Variants in STX2 observed in about 807,000 individuals in gnomAD.
The protein encoded by STX2 is syntaxin 2.
STX2 carries 27 observed loss-of-function variants against 40.6 expected under a neutral mutation model. That is an observed-to-expected ratio of 0.66 (90% CI 0.49 to 0.92). STX2 has a LOEUF of 0.92. Among genes scored for constraint, STX2 ranks in the 40% least tolerant of loss-of-function variants. STX2 has a pLI of 0.00. For missense variants in STX2, 328 were observed against 366.1 expected, an observed-to-expected ratio of 0.90 and a Z score of 0.85; for synonymous variants, 123 against 119.1, an observed-to-expected ratio of 1.03 and a Z score of -0.22.
intron 1 of STX2, 145 bp from the exon 2 acceptor site, chr12:130,827,412 T>G (rs1035436921): frequency 6.4e-6 from 4 of 623,766 alleles, no homozygotes; most frequent in Non-Finnish European, 1.1e-5. Context: ...CACCACTATC[T>G]ACTCCAACTG....
chr12:130,827,786 G>A (rs1008913414), intron 1 of STX2, among the ~76,000 whole-genome samples: 1 of 152,148 alleles, frequency 6.6e-6, no homozygotes, highest in South Asian at 2.1e-4. Flanking sequence ...CATGCCTGTG[G>A]TCCCAGCTAC....
intron 3 of STX2, among the ~76,000 whole-genome samples, chr12:130,819,699 T>C (rs539583281): frequency 6.6e-6 from 1 of 152,354 alleles, no homozygotes; most frequent in African/African-American, 2.4e-5. Flanking sequence ...TAACAGATGT[T>C]ACATAAAAGG....
At chr12:130,828,303 C>T (rs1260182727) in intron 1 of STX2, among the ~76,000 whole-genome samples, 1 of 151,550 alleles carries the variant, frequency 6.6e-6, no homozygotes, top group Non-Finnish European at 1.5e-5. Context: ...TCTCGGCTCA[C>T]TGCAACCTCC....
chr12:130,828,760 C>T lies in STX2; in HGVS notation c.31-1493G>A, dbSNP rs374967468. Reference sequence around the variant, plus strand: ...GTGGGCACCTGTAGTCCCAGCTACTCGGGAGGCTGAGGCAGGAAAATGGCA... The same window carrying T: ...GTGGGCACCTGTAGTCCCAGCTACTTGGGAGGCTGAGGCAGGAAAATGGCA... On this transcript the variant is annotated intron_variant, in intron 1 of 10. Coordinates refer to ENST00000392373, the MANE Select transcript of STX2 (RefSeq NM_194356.4). Among the ~76,000 whole-genome samples the T allele has an allele frequency of 1.3e-4, 19 of 149,698 alleles. No individual in the cohort carries two copies. The East Asian group carries it at 3.5e-3, about 27-fold the overall frequency.
At position 130,816,537 on chromosome 12, in the gene STX2, G is replaced by A. The variant is rs111806067; in HGVS notation, c.206-3506C>T. Among the ~76,000 whole-genome samples the A allele has an allele frequency of 3.8e-3, 572 of 152,284 alleles. 2 individuals are homozygous for A. Among genetic ancestry groups the A allele is most frequent in the African/African-American group, 0.013 (538 of 41,576 alleles). On this transcript the variant is annotated intron_variant, in intron 3 of 10. Transcript: ENST00000392373. ...TGGTATTTCAAATCAGAGACCAGAC[G>A]GGGATCAGGAACCTCCTCTTCCAGC...
intron 2 of STX2, among the ~76,000 whole-genome samples, chr12:130,825,300 G>A (rs1330525215): frequency 2.6e-5 from 4 of 152,210 alleles, no homozygotes; most frequent in African/African-American, 9.7e-5. Flanking sequence ...GACTCCCAAA[G>A]TGCTGGGAGC....
At chr12:130,835,979 C>T (rs1266760782) in intron 1 of STX2, among the ~76,000 whole-genome samples, 2 of 152,214 alleles carry the variant, frequency 1.3e-5, no homozygotes, top group Non-Finnish European at 2.9e-5. Flanking sequence ...AAAGAAACTT[C>T]ATGGAAGCAT....
chr12:130,812,915 T>C (rs1457809134), intron 4 of STX2, 42 bp downstream of exon 4: 2 of 1,324,512 alleles, frequency 1.5e-6, no homozygotes, highest in South Asian at 1.4e-5. Flanking sequence ...CAAATACCCA[T>C]ACTCCCAACA....
chr12:130,820,671 A>T lies in STX2; in HGVS notation c.205+1018T>A, dbSNP rs191367337. 2.7e-3 allele frequency among the ~76,000 whole-genome samples: 404 copies of T among 147,854 alleles called. 2 individuals are homozygous for T. Among genetic ancestry groups the T allele is most frequent in the Middle Eastern group, 7.0e-3 (2 of 286 alleles). On this transcript the variant is annotated intron_variant, in intron 3 of 10. Coordinates refer to ENST00000392373, the MANE Select transcript of STX2 (RefSeq NM_194356.4). Reference sequence around the variant, plus strand: ...ACAGAGTGAGACTCCGTCTCAAAATAAAAAAAAAAATAGATAAATAAAAAA... The same window carrying T: ...ACAGAGTGAGACTCCGTCTCAAAATTAAAAAAAAAATAGATAAATAAAAAA...
chr12:130,830,159 C>T (rs931840375), intron 1 of STX2, among the ~76,000 whole-genome samples: 2 of 152,184 alleles, frequency 1.3e-5, no homozygotes, highest in Non-Finnish European at 2.9e-5. Flanking sequence ...CTACTTCCTA[C>T]CCCCCACACC....
chr12:130,795,906 T>C, intron 10 of STX2, 89 bp downstream of exon 10: 9 of 1,443,906 alleles, frequency 6.2e-6, no homozygotes, highest in Non-Finnish European at 8.2e-6. Context: ...GGCAAGCTTT[T>C]ATTAGTTTTA....
chr12:130,827,697 T>C (rs1264238772), intron 1 of STX2, among the ~76,000 whole-genome samples: 1 of 152,250 alleles, frequency 6.6e-6, no homozygotes, highest in Non-Finnish European at 1.5e-5. Context: ...GCAGAATGCT[T>C]AAGTCCAGGA....
chr12:130,818,185 A>AAAATATATAT, intron 3 of STX2, among the ~76,000 whole-genome samples: 12 of 70,546 alleles, frequency 1.7e-4, no homozygotes, highest in African/African-American at 9.5e-4. Flanking sequence ...AAAAAAAAAA[A>AAAATATATAT]ATATATATAT....
chr12:130,817,865 T>C (rs1249929308), intron 3 of STX2, among the ~76,000 whole-genome samples: 5 of 145,312 alleles, frequency 3.4e-5, no homozygotes, highest in African/African-American at 4.9e-5. Flanking sequence ...TTTCAGATAA[T>C]AGCGAATCTT....
intron 6 of STX2, among the ~76,000 whole-genome samples, chr12:130,804,269 A>T (rs983430837): frequency 6.6e-6 from 1 of 152,214 alleles, no homozygotes; most frequent in Admixed American, 6.5e-5. Context: ...AAGAAAGGGG[A>T]CAAAATGGTT....
chr12:130,798,451 C>A, intron 9 of STX2, 74 bp downstream of exon 9: 1 of 974,998 alleles, frequency 1.0e-6, no homozygotes, highest in Non-Finnish European at 1.5e-6. Flanking sequence ...TTTAGGCAGG[C>A]TTACATCAAT....
intron 1 of STX2, 38 bp downstream of exon 1, chr12:130,839,032 C>G: frequency 1.5e-6 from 2 of 1,324,842 alleles, no homozygotes; most frequent in Non-Finnish European, 1.9e-6. Flanking sequence ...GACGCCGCCC[C>G]GGCCGGGCCT....
At chr12:130,820,388 T>C (rs904342153) in intron 3 of STX2, among the ~76,000 whole-genome samples, 1 of 152,152 alleles carries the variant, frequency 6.6e-6, no homozygotes, top group Admixed American at 6.5e-5. Context: ...TAGATACGGC[T>C]GGGCACGGTG....
chr12:130,822,463 G>A (rs966395907), intron 2 of STX2, among the ~76,000 whole-genome samples: 1 of 152,032 alleles, frequency 6.6e-6, no homozygotes, highest in Non-Finnish European at 1.5e-5. Context: ...ATGGGAGGAG[G>A]TATCTATAGC....
Sources: allele counts gnomAD v4.1 joint callset (sites outside exome capture counted in the v4.1 genomes callset), GRCh38; gene constraint gnomAD v4.1.1; transcripts MANE v1.5; gene names NCBI Gene and HGNC (gene_info 2026-07-23, HGNC 2026-07-21).